METRNL: variants seen among roughly 807,000 people sequenced by gnomAD.
METRNL encodes the protein meteorin like, glial cell differentiation regulator.
Under a neutral mutation model 17.4 loss-of-function variants are expected in METRNL, and 9 were observed. That is an observed-to-expected ratio of 0.52 (90% CI 0.31 to 0.90). The LOEUF is 0.90. METRNL is among the 40% of genes least tolerant of loss of function. METRNL has a pLI of 0.05. For synonymous variants in METRNL, 215 were observed against 199.3 expected (o/e 1.08, Z -0.66); for missense variants, 408 against 430.7 (o/e 0.95, Z 0.47).
chr17:83,089,730 T>A (rs966045392), intron 2 of METRNL, among the ~76,000 whole-genome samples: 5 of 150,796 alleles, frequency 3.3e-5, no homozygotes, highest in Non-Finnish European at 5.9e-5. Flanking sequence ...TGTTAATAAT[T>A]GTCTCCCGAT....
At position 83,091,185 on chromosome 17, in the gene METRNL, C is replaced by T. The variant is rs911706361; in HGVS notation, c.557-1982C>T. ...GCCAGGCTGGACCGGCCTCAAGGTGCTCAGCAGTGCCAGGCTGGACCGGCC... is the reference window on the plus strand; with the variant it reads ...GCCAGGCTGGACCGGCCTCAAGGTGTTCAGCAGTGCCAGGCTGGACCGGCC... On this transcript the variant is annotated intron_variant, in intron 2 of 3. Transcript: ENST00000320095. Among the ~76,000 whole-genome samples the T allele has an allele frequency of 3.9e-5, 6 of 152,000 alleles. 1 individual carries two copies. Among genetic ancestry groups the T allele is most frequent in the Admixed American group, 1.3e-4 (2 of 15,280 alleles).
chr17:83,089,903 C>T (rs951342515), intron 2 of METRNL, among the ~76,000 whole-genome samples: 3 of 152,062 alleles, frequency 2.0e-5, no homozygotes, highest in South Asian at 2.1e-4. Flanking sequence ...GCTGCAGGCA[C>T]TGACCGTCCC....
Position 83,083,704 on chromosome 17 carries a change from G to C in METRNL, c.171-1234G>C, listed in dbSNP as rs111447087. Among the ~76,000 whole-genome samples the C allele has an allele frequency of 3.5e-3, 534 of 152,324 alleles. 3 individuals carry two copies. The highest frequency in any genetic ancestry group is 0.012 in the African/African-American group (507 of 41,564). On this transcript the variant is annotated intron_variant, in intron 1 of 3. Transcript: ENST00000320095. ...TGATGTGGCCTGCAGCCTATGAAGA[G>C]TGAGGTTTGGGGGCCCAGAGTGTGA... is the stretch of plus-strand genomic sequence containing the variant.
intron 2 of METRNL, among the ~76,000 whole-genome samples, chr17:83,086,168 G>A (rs763279046): frequency 2.0e-5 from 3 of 152,178 alleles, no homozygotes; most frequent in South Asian, 4.1e-4. Context: ...GTGTGGCCTC[G>A]GACTCGGGTG....
chr17:83,089,613 G>A (rs1415937600), intron 2 of METRNL, among the ~76,000 whole-genome samples: 1 of 151,892 alleles, frequency 6.6e-6, no homozygotes, highest in South Asian at 2.1e-4. Flanking sequence ...CCTCCGAGGA[G>A]GATGGACCAG....
intron 1 of METRNL, among the ~76,000 whole-genome samples, chr17:83,083,071 C>G (rs1314908489): frequency 2.6e-5 from 4 of 152,214 alleles, no homozygotes; most frequent in Non-Finnish European, 5.9e-5. Flanking sequence ...ATTTTGTCCT[C>G]TTCCTCTTTT....
chr17:83,093,175 C>G lies in METRNL; in HGVS notation c.565C>G (p.Arg189Gly). The G allele has an allele frequency of 1.2e-6, 2 of 1,607,892 alleles. No homozygotes were observed. Among genetic ancestry groups the G allele is most frequent in the East Asian group, 2.2e-5 (1 of 44,866 alleles). Residue 189 changes from arginine to glycine, a missense_variant, in exon 3 of 4, where the codon CGT (arginine) becomes GGT (glycine). Coordinates refer to ENST00000320095, the MANE Select transcript of METRNL (RefSeq NM_001004431.3). ...SDLHELSAPCRPCSDTEVLLA... is the reference protein window; with the variant it reads ...SDLHELSAPCGPCSDTEVLLA... ...CTGCCTTTCTTCTCCAGCGCCGTGC[C>G]GTCCCTGCAGTGACACCGAGGTGCT...
intron 2 of METRNL, among the ~76,000 whole-genome samples, chr17:83,089,489 G>A (rs1188680708): frequency 2.0e-5 from 3 of 152,140 alleles, no homozygotes; most frequent in Middle Eastern, 3.4e-3. Flanking sequence ...AACACCTGCC[G>A]TGCAATCTAA....
At position 83,079,624 on chromosome 17, in the gene METRNL, G is replaced by GAA. The variant is rs1003705080; in HGVS notation, c.-192_-191insAA. 1 of 150,260 alleles carries GAA rather than the reference G, an allele frequency of 6.7e-6. No individual in the cohort carries two copies. Among genetic ancestry groups the GAA allele is most frequent in the African/African-American group, 2.5e-5 (1 of 40,774 alleles). The allele number at this position is 150,260 out of a possible 1,614,324, so 9.3% of individuals were successfully genotyped here. A position where few individuals can be genotyped will look rare whatever the true frequency, so the allele number is the denominator to read the frequency against. On this transcript the variant is annotated 5_prime_UTR_variant, in exon 1 of 4. Transcript: ENST00000320095. ...CGCCAACTTCAGAGGCTCGGCGGCG[G>GAA]CGGCGGGCGCGGAGCTCTGCGCGCG...
At chr17:83,090,938 C>T (rs1048660996) in intron 2 of METRNL, among the ~76,000 whole-genome samples, 4 of 152,150 alleles carry the variant, frequency 2.6e-5, no homozygotes, top group African/African-American at 7.2e-5. Flanking sequence ...GACCCCCAGC[C>T]GGCGAGTGGG....
chr17:83,083,531 T>C (rs935013938), intron 1 of METRNL, among the ~76,000 whole-genome samples: 1 of 152,194 alleles, frequency 6.6e-6, no homozygotes, highest in African/African-American at 2.4e-5. Flanking sequence ...ACGTGTTAGA[T>C]GAGCTTGTGT....
intron 2 of METRNL, among the ~76,000 whole-genome samples, chr17:83,089,409 C>A (rs1288584092): frequency 6.6e-6 from 1 of 152,170 alleles, no homozygotes; most frequent in Non-Finnish European, 1.5e-5. Flanking sequence ...CCTGGGCAGT[C>A]CTGCCGGACC....
At chr17:83,094,189 A>G in intron 3 of METRNL, 67 bp from the exon 4 acceptor site, 2 of 1,301,984 alleles carry the variant, frequency 1.5e-6, no homozygotes. Context: ...GGGCAGGGGG[A>G]GGTGCGGTGG....
intron 1 of METRNL, among the ~76,000 whole-genome samples, chr17:83,081,812 C>T (rs1385347488): frequency 6.6e-6 from 1 of 150,446 alleles, no homozygotes; most frequent in Non-Finnish European, 1.5e-5. Context: ...GTGAGACTTC[C>T]TTTTGTTGTG....
chr17:83,083,232 C>G (rs922149007), intron 1 of METRNL, among the ~76,000 whole-genome samples: 5 of 152,192 alleles, frequency 3.3e-5, no homozygotes, highest in African/African-American at 1.2e-4. Context: ...TGGCTGTTCC[C>G]CTCGCCTGCT....
intron 1 of METRNL, chr17:83,084,686 C>T (rs545339242): frequency 6.2e-5 from 34 of 547,156 alleles, no homozygotes; most frequent in Middle Eastern, 4.7e-4. Flanking sequence ...CCCGGGAGCT[C>T]GGCCCCGCCC....
intron 2 of METRNL, among the ~76,000 whole-genome samples, chr17:83,092,202 C>T (rs1399501544): frequency 6.6e-6 from 1 of 152,194 alleles, no homozygotes; most frequent in Non-Finnish European, 1.5e-5. Flanking sequence ...GCATGCACCT[C>T]ATCCCGCGGC....
chr17:83,089,641 G>A (rs574606684), intron 2 of METRNL, among the ~76,000 whole-genome samples: 2 of 151,716 alleles, frequency 1.3e-5, no homozygotes, highest in African/African-American at 2.4e-5. Context: ...ACCCTTTGCC[G>A]ACCCTCCCCA....
rs1393563477 is a variant in METRNL, at chr17:83,094,256, C to T, written c.617C>T (p.Ala206Val). The T allele has an allele frequency of 3.2e-6, 5 of 1,563,068 alleles. No homozygotes were observed. In the Admixed American group the frequency reaches 8.8e-5, roughly 27 times the overall value. The change falls in exon 4 of 4, where the codon GCC becomes GTC. Residue 206 changes from alanine to valine, a missense_variant and splice_region_variant. Physicochemically the swap from Ala to Val is moderately conservative, Grantham distance 64 (BLOSUM62 0). Coordinates refer to ENST00000320095, the MANE Select transcript of METRNL (RefSeq NM_001004431.3). ...VLLAVCTSDF[A>V]VRGSIQQVTH... ...TGTCCCCATCTCCTTCCCCGCACAGCCGTTCGAGGCTCCATCCAGCAAGTT... is the reference window on the plus strand; with the variant it reads ...TGTCCCCATCTCCTTCCCCGCACAGTCGTTCGAGGCTCCATCCAGCAAGTT...
Sources: allele counts gnomAD v4.1 joint callset (sites outside exome capture counted in the v4.1 genomes callset), GRCh38; gene constraint gnomAD v4.1.1; transcripts MANE v1.5; gene names NCBI Gene and HGNC (gene_info 2026-07-23, HGNC 2026-07-21).